The following PDE11A variants were observed in gnomAD, a reference collection of about 807,000 sequenced individuals.
PDE11A encodes the protein phosphodiesterase 11A, also known as dual 3',5'-cyclic-AMP and -GMP phosphodiesterase 11A.
Under a neutral mutation model 100.5 loss-of-function variants are expected in PDE11A, and 100 were observed. The ratio of observed to expected loss-of-function variants is 1.00; its 90% confidence interval spans 0.85 to 1.18. The LOEUF is 1.18. Among genes scored for constraint, PDE11A ranks in the 50% most tolerant of loss-of-function variants. The pLI is 0.00. For synonymous variants in PDE11A, 381 were observed against 420.8 expected (o/e 0.91, Z 1.16); for missense variants, 1,141 against 1,152.6 (o/e 0.99, Z 0.15).
intron 5 of PDE11A, among the ~76,000 whole-genome samples, chr2:177,847,009 A>T (rs1157709019): frequency 6.6e-6 from 1 of 152,194 alleles, no homozygotes; most frequent in East Asian, 1.9e-4. Flanking sequence ...CAAAATATTT[A>T]GCAATAGTTA....
chr2:177,748,302 T>C (rs1454190944), intron 10 of PDE11A, among the ~76,000 whole-genome samples: 2 of 152,194 alleles, frequency 1.3e-5, no homozygotes, highest in African/African-American at 4.8e-5. Flanking sequence ...AAATTCTAGA[T>C]GGAGTCCATT....
chr2:177,857,739 A>T (rs1411422063), intron 5 of PDE11A, among the ~76,000 whole-genome samples: 2 of 152,064 alleles, frequency 1.3e-5, no homozygotes, highest in African/African-American at 2.4e-5. Flanking sequence ...AAAGGCAGAG[A>T]TCAGTAGAAT....
chr2:177,767,700 C>G (rs909139243), intron 10 of PDE11A, among the ~76,000 whole-genome samples: 2 of 152,000 alleles, frequency 1.3e-5, no homozygotes, highest in Non-Finnish European at 2.9e-5. Flanking sequence ...TTAAAATTTT[C>G]TTAATGACCA....
At chr2:177,697,520 G>A (rs956033634) in intron 14 of PDE11A, 88 bp from the exon 15 acceptor site, 17 of 736,248 alleles carry the variant, frequency 2.3e-5, no homozygotes, top group Admixed American at 2.3e-4. Context: ...AAAAGTCTGG[G>A]AACATTAAAA....
intron 15 of PDE11A, among the ~76,000 whole-genome samples, chr2:177,681,457 G>A (rs982290784): frequency 2.6e-5 from 4 of 152,178 alleles, no homozygotes; most frequent in Non-Finnish European, 4.4e-5. Flanking sequence ...TCAGCAACTC[G>A]CTTTGGAAAG....
intron 9 of PDE11A, among the ~76,000 whole-genome samples, chr2:177,773,885 G>A (rs1558931664): frequency 2.0e-5 from 3 of 152,140 alleles, no homozygotes; most frequent in South Asian, 2.1e-4. Flanking sequence ...CTAAGAATCC[G>A]TAGAAAAACC....
At chr2:177,870,030 A>G (rs1375037562) in intron 5 of PDE11A, among the ~76,000 whole-genome samples, 1 of 152,224 alleles carries the variant, frequency 6.6e-6, no homozygotes, top group East Asian at 1.9e-4. Context: ...GAGTTTAGTT[A>G]TATCAGCCTC....
chr2:177,845,969 A>G (rs532204953), intron 5 of PDE11A, among the ~76,000 whole-genome samples: 48 of 149,754 alleles, frequency 3.2e-4, no homozygotes, highest in African/African-American at 1.1e-3. Context: ...AGATGGCAGC[A>G]GTACAGTCCA....
chr2:177,789,486 G>T (rs1025062800), intron 9 of PDE11A, among the ~76,000 whole-genome samples: 7 of 151,640 alleles, frequency 4.6e-5, no homozygotes, highest in African/African-American at 1.7e-4. Context: ...CACAAGACAG[G>T]GATGCCCTCT....
intron 2 of PDE11A, among the ~76,000 whole-genome samples, chr2:177,939,852 A>G (rs1240035423): frequency 6.6e-6 from 1 of 152,206 alleles, no homozygotes; most frequent in Non-Finnish European, 1.5e-5. Flanking sequence ...AAGAGAGAAC[A>G]AAGGAATCTA....
chr2:177,760,364 T>G (rs1394061220), intron 10 of PDE11A, among the ~76,000 whole-genome samples: 1 of 152,176 alleles, frequency 6.6e-6, no homozygotes, highest in Non-Finnish European at 1.5e-5. Context: ...TCACACATCT[T>G]CCTCATGAGT....
chr2:177,934,128 T>C (rs765944896), intron 2 of PDE11A, among the ~76,000 whole-genome samples: 17 of 152,036 alleles, frequency 1.1e-4, no homozygotes, highest in Non-Finnish European at 2.5e-4. Context: ...ACAAAAAAAA[T>C]TGACAAATGG....
chr2:177,804,161 TAAAC>T (rs1007534417), intron 9 of PDE11A, among the ~76,000 whole-genome samples: 32 of 151,684 alleles, frequency 2.1e-4, no homozygotes, highest in Middle Eastern at 3.4e-3. Context: ...ATCAACAAAG[TAAAC>T]AAACAACCCA....
intron 12 of PDE11A, among the ~76,000 whole-genome samples, chr2:177,726,353 A>G (rs2081599153): frequency 6.6e-6 from 1 of 152,138 alleles, no homozygotes; most frequent in Non-Finnish European, 1.5e-5. Context: ...TTGAAAACCC[A>G]CCAAGTACAT....
At position 177,994,647 on chromosome 2, in the gene PDE11A, C is replaced by T. The variant is rs74423008; in HGVS notation, c.1071+19655G>A. On this transcript the variant is annotated intron_variant, in intron 2 of 19. Transcript: ENST00000286063. ...ATTGCTGAGGGAACAAAAACCCTTACTTGACCCAATGATCTGTGCATAATC... is the reference window on the plus strand; with the variant it reads ...ATTGCTGAGGGAACAAAAACCCTTATTTGACCCAATGATCTGTGCATAATC... Among the ~76,000 whole-genome samples the T allele has an allele frequency of 5.3e-5, 8 of 152,304 alleles. No homozygotes were observed. In the East Asian group the frequency reaches 1.4e-3, roughly 26 times the overall value.
At chr2:177,721,879 CG>C (rs1484559564) in intron 12 of PDE11A, among the ~76,000 whole-genome samples, 1 of 151,954 alleles carries the variant, frequency 6.6e-6, no homozygotes. Context: ...ATAATTCAGC[CG>C]AAACTAAACT....
chr2:178,032,249 T>C (rs1380832525), intron 1 of PDE11A, among the ~76,000 whole-genome samples: 1 of 152,166 alleles, frequency 6.6e-6, no homozygotes, highest in Non-Finnish European at 1.5e-5. Flanking sequence ...GGAGAATATT[T>C]TTCTTCATAC....
In PDE11A at chr2:177,840,343, G is replaced by C; in HGVS notation, c.1408C>G (p.Leu470Val). Reference protein sequence around the residue: ...SMEKSSYSDWLINNSIAELVA... With the variant: ...SMEKSSYSDWVINNSIAELVA... ...AGCTCAGCAATGCTGTTATTTATTA[G>C]CCAGTCGGAGTATGATGATTTCTCC... The change falls in exon 6 of 20, where the codon CTA becomes GTA. Residue 470 changes from leucine to valine, a missense_variant. By Grantham distance (32) the Leu-to-Val change is conservative (BLOSUM62 1). Transcript: ENST00000286063. 1 of 1,613,340 alleles carries C rather than the reference G, an allele frequency of 6.2e-7. No homozygotes were observed. Among genetic ancestry groups the C allele is most frequent in the Non-Finnish European group, 8.5e-7 (1 of 1,179,262 alleles).
At chr2:177,954,062 A>G (rs559055687) in intron 2 of PDE11A, among the ~76,000 whole-genome samples, 1 of 151,798 alleles carries the variant, frequency 6.6e-6, no homozygotes, top group South Asian at 2.1e-4. Flanking sequence ...TAGTGACTGT[A>G]TATTATTTCC....
Sources: allele counts gnomAD v4.1 joint callset (sites outside exome capture counted in the v4.1 genomes callset), GRCh38; gene constraint gnomAD v4.1.1; transcripts MANE v1.5; gene names NCBI Gene and HGNC (gene_info 2026-07-23, HGNC 2026-07-21).